WDR72: variants seen among roughly 807,000 people sequenced by gnomAD.
WDR72 encodes WD repeat-containing protein 72.
WDR72 carries 120 observed loss-of-function variants against 124.2 expected under a neutral mutation model. That is an observed-to-expected ratio of 0.97 (90% CI 0.83 to 1.12). The LOEUF is 1.12. WDR72 is among the 50% of genes most tolerant of loss of function. The pLI is 0.00. For synonymous variants in WDR72, 452 were observed against 441.7 expected, an observed-to-expected ratio of 1.02 and a Z score of -0.29; for missense variants, 1,387 against 1,278.8, an observed-to-expected ratio of 1.08 and a Z score of -1.29.
intron 14 of WDR72, among the ~76,000 whole-genome samples, chr15:53,632,468 C>G (rs377440298): frequency 2.4e-4 from 36 of 152,104 alleles, no homozygotes; most frequent in African/African-American, 6.8e-4. Flanking sequence ...TACTAGAGCA[C>G]TGCAGAGGGG....
chr15:53,590,151 T>A (rs187973215), intron 18 of WDR72, among the ~76,000 whole-genome samples: 2 of 152,066 alleles, frequency 1.3e-5, no homozygotes, highest in Non-Finnish European at 1.5e-5. Context: ...AGATTGTCTA[T>A]TAGATAATTA....
intron 19 of WDR72, among the ~76,000 whole-genome samples, chr15:53,520,827 G>A (rs1440612753): frequency 2.0e-5 from 3 of 151,990 alleles, no homozygotes; most frequent in East Asian, 1.9e-4. Context: ...AAATTCACAC[G>A]AGAAACATAA....
intron 14 of WDR72, among the ~76,000 whole-genome samples, chr15:53,619,723 G>A (rs2013913255): frequency 6.6e-6 from 1 of 151,922 alleles, no homozygotes; most frequent in African/African-American, 2.4e-5. Flanking sequence ...AAAGCTAAAC[G>A]TACCCGAGGA....
At chr15:53,736,937 A>G (rs1158281912) in intron 1 of WDR72, among the ~76,000 whole-genome samples, 1 of 151,596 alleles carries the variant, frequency 6.6e-6, no homozygotes, top group Admixed American at 6.6e-5. Flanking sequence ...AAAAACTTGA[A>G]TGATCCCTGT....
At chr15:53,714,407 A>C (rs752980264) in intron 6 of WDR72, 27 bp downstream of exon 6, 36 of 1,582,950 alleles carry the variant, frequency 2.3e-5, no homozygotes, top group Non-Finnish European at 3.1e-5. Context: ...AATTGTAAGG[A>C]AAAAAGAGTA....
intron 18 of WDR72, among the ~76,000 whole-genome samples, chr15:53,549,338 C>G (rs1893628247): frequency 6.6e-6 from 1 of 152,114 alleles, no homozygotes; most frequent in African/African-American, 2.4e-5. Flanking sequence ...CATTTTGTTT[C>G]TTGAGAGAAC....
intron 14 of WDR72, among the ~76,000 whole-genome samples, chr15:53,649,887 G>T (rs1283250244): frequency 5.3e-5 from 8 of 152,014 alleles, no homozygotes; most frequent in Non-Finnish European, 1.5e-5. Flanking sequence ...CAGCATGGAG[G>T]TTCCTCAAAA....
intron 18 of WDR72, among the ~76,000 whole-genome samples, chr15:53,594,823 C>T (rs2012694366): frequency 6.7e-6 from 1 of 148,602 alleles, no homozygotes; most frequent in Non-Finnish European, 1.5e-5. Flanking sequence ...AAGTAAGGCA[C>T]TACATGCCAC....
At chr15:53,544,065 C>T (rs1220938521) in intron 18 of WDR72, among the ~76,000 whole-genome samples, 68 of 144,394 alleles carry the variant, frequency 4.7e-4, no homozygotes, top group South Asian at 1.4e-3. Context: ...GATTCACAGC[C>T]GAATTCTACC....
chr15:53,674,064 T>C (rs1291523714), intron 13 of WDR72, among the ~76,000 whole-genome samples: 5 of 152,334 alleles, frequency 3.3e-5, no homozygotes, highest in Admixed American at 2.6e-4. Flanking sequence ...AATAATTGTA[T>C]TTAAATGAAC....
intron 13 of WDR72, among the ~76,000 whole-genome samples, chr15:53,680,570 T>C (rs983638259): frequency 3.3e-5 from 5 of 152,242 alleles, no homozygotes; most frequent in African/African-American, 1.2e-4. Flanking sequence ...ACCTGCGGGG[T>C]AAATCATGGG....
At chr15:53,699,324 T>C (rs1744292772) in intron 13 of WDR72, among the ~76,000 whole-genome samples, 2 of 152,182 alleles carry the variant, frequency 1.3e-5, no homozygotes, top group Non-Finnish European at 2.9e-5. Flanking sequence ...TGACTCAACT[T>C]TTTGGAGTTT....
chr15:53,606,400 T>C (rs189356839), intron 17 of WDR72, among the ~76,000 whole-genome samples: 179 of 152,286 alleles, frequency 1.2e-3, no homozygotes, highest in African/African-American at 4.2e-3. Flanking sequence ...GTTGCCTGCA[T>C]AGCTACTCAT....
At chr15:53,736,726 A>G (rs1170067475) in intron 1 of WDR72, among the ~76,000 whole-genome samples, 2 of 152,156 alleles carry the variant, frequency 1.3e-5, no homozygotes, top group African/African-American at 4.8e-5. Context: ...GGATTTTCAC[A>G]TATTAGGCAG....
At chr15:53,595,014 A>C (rs889157214) in intron 18 of WDR72, among the ~76,000 whole-genome samples, 1 of 152,028 alleles carries the variant, frequency 6.6e-6, no homozygotes, top group Non-Finnish European at 1.5e-5. Context: ...TGTAGTTAAT[A>C]TTTTCCTGCA....
intron 17 of WDR72, 109 bp from the exon 18 acceptor site, chr15:53,597,383 C>T (rs1325836583): frequency 1.0e-5 from 11 of 1,094,182 alleles, no homozygotes; most frequent in Admixed American, 2.2e-5. Flanking sequence ...TTTCCATAAA[C>T]GATAACTTTT....
intron 18 of WDR72, among the ~76,000 whole-genome samples, chr15:53,543,906 T>C (rs1399614301): frequency 1.3e-5 from 2 of 151,756 alleles, no homozygotes; most frequent in African/African-American, 2.4e-5. Context: ...AACTAGAAAA[T>C]CTAGAAGAAA....
chr15:53,605,359 G>C (rs769114071), intron 17 of WDR72, among the ~76,000 whole-genome samples: 1 of 152,220 alleles, frequency 6.6e-6, no homozygotes, highest in Non-Finnish European at 1.5e-5. Context: ...GGTGGGAGGA[G>C]AGAGAGGATC....
rs142551779 is a variant in WDR72, at chr15:53,708,486, G to A, written c.954+2371C>T. On this transcript the variant is annotated intron_variant, in intron 9 of 19. Transcript: ENST00000360509. ...TATTCAATTAATTTTAACAATTCTGGTAATTCTTTTCTCAGAACAATTAAG... is the reference window on the plus strand; with the variant it reads ...TATTCAATTAATTTTAACAATTCTGATAATTCTTTTCTCAGAACAATTAAG... Among the ~76,000 whole-genome samples, 4 of 152,154 alleles carry A rather than the reference G, an allele frequency of 2.6e-5. No individual in the cohort carries two copies. The East Asian group carries it at 7.7e-4, about 29-fold the overall frequency.
Sources: allele counts gnomAD v4.1 joint callset (sites outside exome capture counted in the v4.1 genomes callset), GRCh38; gene constraint gnomAD v4.1.1; transcripts MANE v1.5; gene names NCBI Gene and HGNC (gene_info 2026-07-23, HGNC 2026-07-21).